The following FOXN3 variants were observed in gnomAD, a reference collection of about 807,000 sequenced individuals.
FOXN3 encodes forkhead box N3, also known as forkhead box protein N3.
A neutral mutation model predicts 38.4 loss-of-function variants in FOXN3; 7 were observed. That is an observed-to-expected ratio of 0.18 (90% CI 0.10 to 0.34). The LOEUF (loss-of-function observed/expected upper bound fraction) is 0.34. Among genes scored for constraint, FOXN3 ranks in the 10% least tolerant of loss-of-function variants. The pLI, the probability that FOXN3 is intolerant of heterozygous loss-of-function variation, is 1.00. For missense variants in FOXN3, 456 were observed against 613.4 expected (o/e 0.74, Z 2.71); for synonymous variants, 230 against 242.2 (o/e 0.95, Z 0.47).
intron 1 of FOXN3, among the ~76,000 whole-genome samples, chr14:89,596,231 C>T (rs372057342): frequency 6.6e-5 from 10 of 152,030 alleles, no homozygotes; most frequent in African/African-American, 2.2e-4. Flanking sequence ...TCCGCCTCCC[C>T]GGTTCAAGCC....
intron 1 of FOXN3, among the ~76,000 whole-genome samples, chr14:89,480,064 C>G (rs1344654219): frequency 6.6e-6 from 1 of 152,092 alleles, no homozygotes; most frequent in Non-Finnish European, 1.5e-5. Flanking sequence ...TTGTAAGCAC[C>G]CTACTGGGGC....
intron 1 of FOXN3, among the ~76,000 whole-genome samples, chr14:89,535,080 G>A (rs974502847): frequency 3.9e-5 from 6 of 152,010 alleles, no homozygotes; most frequent in African/African-American, 1.2e-4. Context: ...TTACACTTAC[G>A]CAGTGACTAT....
intron 4 of FOXN3, among the ~76,000 whole-genome samples, chr14:89,257,353 A>T (rs1054493586): frequency 6.6e-6 from 1 of 152,230 alleles, no homozygotes; most frequent in Non-Finnish European, 1.5e-5. Context: ...AAACCATAAG[A>T]AGAGAGGTTC....
At chr14:89,519,198 C>T (rs1358964909) in intron 1 of FOXN3, among the ~76,000 whole-genome samples, 1 of 152,136 alleles carries the variant, frequency 6.6e-6, no homozygotes, top group Non-Finnish European at 1.5e-5. Context: ...TGCGGTAGCA[C>T]AGACTACAAG....
intron 3 of FOXN3, among the ~76,000 whole-genome samples, chr14:89,343,625 T>TG: frequency 5.6e-5 from 2 of 35,492 alleles, no homozygotes; most frequent in Admixed American, 8.6e-4. Context: ...TTAATGTGTG[T>TG]GGTTTTTTTT....
chr14:89,297,265 A>C, intron 3 of FOXN3, among the ~76,000 whole-genome samples: 1 of 152,198 alleles, frequency 6.6e-6, no homozygotes, highest in East Asian at 1.9e-4. Flanking sequence ...CGGTTCCTAA[A>C]AAAATTAAAC....
chr14:89,558,376 C>T (rs77849611), intron 1 of FOXN3, among the ~76,000 whole-genome samples: 4,313 of 152,180 alleles, frequency 0.028, 152 homozygotes, highest in African/African-American at 0.083. Flanking sequence ...GTGCAGACAT[C>T]GAAGGTGACA....
At chr14:89,414,516 G>A (rs1891639191) in intron 1 of FOXN3, among the ~76,000 whole-genome samples, 1 of 150,750 alleles carries the variant, frequency 6.6e-6, no homozygotes, top group Non-Finnish European at 1.5e-5. Flanking sequence ...CTAGACGCAA[G>A]GCCTAAGGGG....
rs563704653 is a variant in FOXN3 at position 89,269,866 on chromosome 14, G to A, written c.745+11084C>T. ...GCCAATCACTTTTCCCCACACGTTA[G>A]ACCACCCTGCTTCCCTAACCCATAA... On this transcript the variant is annotated intron_variant, in intron 4 of 5. Coordinates refer to ENST00000557258, the MANE Select transcript of FOXN3 (RefSeq NM_005197.4). Among the ~76,000 whole-genome samples, 14 of 152,216 alleles carry A rather than the reference G, an allele frequency of 9.2e-5. No individual in the cohort carries two copies. The South Asian group carries it at 2.7e-3, about 29-fold the overall frequency.
At chr14:89,356,319 C>A (rs1032428280) in intron 2 of FOXN3, 1 of 152,046 alleles carries the variant, frequency 6.6e-6, no homozygotes, top group Non-Finnish European at 1.5e-5. Context: ...ATCACTTGAA[C>A]CCTGGAGGCG....
At chr14:89,397,009 T>C (rs925577196) in intron 2 of FOXN3, among the ~76,000 whole-genome samples, 1 of 152,090 alleles carries the variant, frequency 6.6e-6, no homozygotes, top group African/African-American at 2.4e-5. Flanking sequence ...GCTGTCACTA[T>C]GCACAATAGC....
chr14:89,359,353 T>C (rs928994312), intron 2 of FOXN3, among the ~76,000 whole-genome samples: 1 of 151,894 alleles, frequency 6.6e-6, no homozygotes, highest in South Asian at 2.1e-4. Flanking sequence ...CAACAAAATA[T>C]TAAATAGCCA....
intron 2 of FOXN3, among the ~76,000 whole-genome samples, chr14:89,396,625 A>G (rs568651078): frequency 1.3e-5 from 2 of 152,296 alleles, no homozygotes; most frequent in African/African-American, 4.8e-5. Flanking sequence ...CGAGGTCAGG[A>G]GTTCAAGACC....
chr14:89,500,291 C>T (rs907455506), intron 1 of FOXN3, among the ~76,000 whole-genome samples: 2 of 152,186 alleles, frequency 1.3e-5, no homozygotes, highest in Non-Finnish European at 2.9e-5. Context: ...GCCATCGGCA[C>T]GGATGGCCTA....
chr14:89,437,588 A>G (rs1892298366), intron 1 of FOXN3, among the ~76,000 whole-genome samples: 2 of 152,162 alleles, frequency 1.3e-5, no homozygotes, highest in South Asian at 2.1e-4. Flanking sequence ...CTATACTCCC[A>G]CCAGTGCCAT....
chr14:89,554,251 C>T (rs529429861), intron 1 of FOXN3, among the ~76,000 whole-genome samples: 2 of 152,212 alleles, frequency 1.3e-5, no homozygotes, highest in Middle Eastern at 3.4e-3. Context: ...CCGCCTTCCT[C>T]GGCCTCCTAA....
intron 1 of FOXN3, among the ~76,000 whole-genome samples, chr14:89,524,371 C>CAAAAAAAAA: frequency 7.6e-4 from 5 of 6,566 alleles, no homozygotes; most frequent in Admixed American, 4.3e-3. Context: ...GACTCCATCT[C>CAAAAAAAAA]AAAAAAAAAA....
In FOXN3 at chr14:89,564,790, T is replaced by C. The variant is rs79997594; in HGVS notation, c.-15+54238A>G. 2.4e-4 allele frequency among the ~76,000 whole-genome samples: 36 copies of C among 152,190 alleles called. No individual in the cohort carries two copies. In the East Asian group the frequency reaches 5.4e-3, roughly 23 times the overall value. ...AATAAGGTGGGCCCTAAATCCAATA[T>C]GACAATGTCCTCATAAAAAAAGAAG... On this transcript the variant is annotated intron_variant, in intron 1 of 6. Coordinates refer to the FOXN3 transcript ENST00000345097.
At chr14:89,556,889 A>G (rs1025178696) in intron 1 of FOXN3, among the ~76,000 whole-genome samples, 2 of 152,210 alleles carry the variant, frequency 1.3e-5, no homozygotes, top group Non-Finnish European at 2.9e-5. Context: ...GTGGAGTGAC[A>G]GAGCAAGGAA....
Sources: gnomAD v4.1 joint callset for allele counts (sites outside exome capture counted in the v4.1 genomes callset) on GRCh38, gnomAD v4.1.1 for gene constraint, MANE v1.5 for transcripts, NCBI Gene and HGNC (gene_info 2026-07-23, HGNC 2026-07-21) for gene names.